The following KANSL3 variants were observed in gnomAD, a reference collection of about 807,000 sequenced individuals.
KANSL3 encodes the protein NSL complex protein NSL3.
In KANSL3, 16 loss-of-function variants were observed where a neutral mutation model predicts 89.2. That is an observed-to-expected ratio of 0.18 (90% CI 0.12 to 0.27). KANSL3 has a LOEUF of 0.27. Among genes scored for constraint, KANSL3 ranks in the 10% least tolerant of loss-of-function variants. KANSL3 has a pLI of 1.00. For missense variants in KANSL3, 879 were observed against 1,110.6 expected (o/e 0.79, Z 2.96); for synonymous variants, 385 against 419.7 (o/e 0.92, Z 1.01).
chr2:96,601,708 G>A lies in KANSL3; in HGVS notation c.2551C>T (p.Pro851Ser). 1 of 1,612,464 alleles carries A rather than the reference G, an allele frequency of 6.2e-7. No individual in the cohort carries two copies. Among genetic ancestry groups the A allele is most frequent in the Middle Eastern group, 1.7e-4 (1 of 6,056 alleles). ...GQPSRITTLS[P>S]MGSGAAPSEE... ...GATGGGGCTGCTCCTGAGCCCATAGGGCTCAGTGTAGTGATCCTGCTCGGC... is the reference window on the plus strand; with the variant it reads ...GATGGGGCTGCTCCTGAGCCCATAGAGCTCAGTGTAGTGATCCTGCTCGGC... Residue 851 changes from proline (P) to serine (S), a missense_variant, in exon 20 of 21, where the codon CCT becomes TCT. Transcript: ENST00000431828.
intron 2 of KANSL3, among the ~76,000 whole-genome samples, chr2:96,633,824 C>A (rs1024718201): frequency 2.0e-5 from 3 of 152,094 alleles, no homozygotes; most frequent in Non-Finnish European, 4.4e-5. Flanking sequence ...AAGATTGCAC[C>A]ACTGCACTCC....
At chr2:96,616,528 GAT>G in intron 5 of KANSL3, among the ~76,000 whole-genome samples, 1 of 152,330 alleles carries the variant, frequency 6.6e-6, no homozygotes, top group East Asian at 1.9e-4. Flanking sequence ...TGAAGAGCAT[GAT>G]CCCATCCACC....
chr2:96,633,789 C>T (rs913740153), intron 2 of KANSL3, among the ~76,000 whole-genome samples: 2 of 151,898 alleles, frequency 1.3e-5, no homozygotes, highest in African/African-American at 4.8e-5. Flanking sequence ...TGCTTGAATC[C>T]GGGAGGCGGA....
chr2:96,636,724 C>T (rs769395860), intron 2 of KANSL3, 197 bp downstream of exon 2: 43 of 459,388 alleles, frequency 9.4e-5, no homozygotes, highest in Middle Eastern at 5.6e-4. Flanking sequence ...GTCTTGCTTT[C>T]CTAACTCTTG....
chr2:96,609,666 G>T, intron 11 of KANSL3, 104 bp from the exon 12 acceptor site: 1 of 1,093,898 alleles, frequency 9.1e-7, no homozygotes, highest in Non-Finnish European at 1.4e-6. Context: ...TCTAGCCCCA[G>T]AAGGAGGGCC....
At position 96,637,173 on chromosome 2, in the gene KANSL3, G is replaced by A; in HGVS notation, c.-38C>T. ...GCAGAAAGTCAGAGCATGGGTATCTGCATGCTAGTCACCTGCAGTGAAAAG... is the reference window on the plus strand; with the variant it reads ...GCAGAAAGTCAGAGCATGGGTATCTACATGCTAGTCACCTGCAGTGAAAAG... On this transcript the variant is annotated 5_prime_UTR_variant, in exon 2 of 21. The change creates a premature stop within an existing upstream ORF in the 5' untranslated region. Transcript: ENST00000431828. 3.0e-6 allele frequency: 4 copies of A among 1,331,450 alleles called. No homozygotes were observed. Among genetic ancestry groups the A allele is most frequent in the Non-Finnish European group, 4.2e-6 (4 of 952,876 alleles). 82.5% of individuals were successfully genotyped at this position (1,331,450 alleles called of 1,614,324 possible). A position where few individuals can be genotyped will look rare whatever the true frequency, so the allele number is the denominator to read the frequency against.
At chr2:96,581,544 C>G in the KANSL3 span, among the ~76,000 whole-genome samples, 1 of 152,080 alleles carries the variant, frequency 6.6e-6, no homozygotes, top group Non-Finnish European at 1.5e-5. Flanking sequence ...TATATTTCCA[C>G]GAGTGCTTCA....
chr2:96,588,667 T>C (rs2066256592), downstream of KANSL3, among the ~76,000 whole-genome samples: 1 of 152,146 alleles, frequency 6.6e-6, no homozygotes, highest in Admixed American at 6.5e-5. Flanking sequence ...CTCGGCTCAC[T>C]GCAACCTCCG....
chr2:96,629,273 G>T (rs1342797593), intron 3 of KANSL3, among the ~76,000 whole-genome samples: 1 of 152,124 alleles, frequency 6.6e-6, no homozygotes. Context: ...TATTCCAGTA[G>T]TTGATCTTCA....
chr2:96,591,967 C>G (rs902911158), downstream of KANSL3, among the ~76,000 whole-genome samples: 10 of 152,134 alleles, frequency 6.6e-5, no homozygotes, highest in Non-Finnish European at 1.5e-5. Context: ...AGCCATCAAC[C>G]CTGACCAAAA....
At position 96,604,240 on chromosome 2, in the gene KANSL3, CA is replaced by C; in HGVS notation, c.2149+9del. The C allele has an allele frequency of 1.9e-6, 3 of 1,593,404 alleles. No homozygotes were observed. The highest frequency in any genetic ancestry group is 2.6e-6 in the Non-Finnish European group (3 of 1,171,786). On this transcript the variant is annotated intron_variant, in intron 17 of 20. Coordinates refer to ENST00000431828, the MANE Select transcript of KANSL3 (RefSeq NM_001115016.3). ...GTGTTGGAAGGGGAGAATGCTGGGC[CA>C]CAAGATACCTGGGAGGGAGCTGCCA... is the stretch of plus-strand genomic sequence containing the variant.
Position 96,594,721 on chromosome 2 carries a change from C to T in KANSL3, c.*890G>A, listed in dbSNP as rs1265540240. ...TTCTTCTTTTTATCTCCAGCTGAAC[C>T]ACCAGTTCCTTGGGTAGCAGAGCAG... On this transcript the variant is annotated 3_prime_UTR_variant, in exon 21 of 21. Coordinates refer to ENST00000431828, the MANE Select transcript of KANSL3 (RefSeq NM_001115016.3). 6.6e-6 allele frequency: 1 copy of T among 152,312 alleles called. No individual in the cohort carries two copies. The highest frequency in any genetic ancestry group is 6.5e-5 in the Admixed American group (1 of 15,292). 9.4% of individuals were successfully genotyped at this position (152,312 alleles called of 1,614,324 possible).
At chr2:96,595,738 A>G in intron 20 of KANSL3, 107 bp from the exon 21 acceptor site, 1 of 1,271,006 alleles carries the variant, frequency 7.9e-7, no homozygotes, top group African/African-American at 1.5e-5. Flanking sequence ...ATTTTAAAGA[A>G]TTAATTCTCA....
chr2:96,605,235 G>T, intron 15 of KANSL3, 85 bp downstream of exon 15: 2 of 1,204,490 alleles, frequency 1.7e-6, no homozygotes, highest in Non-Finnish European at 2.3e-6. Flanking sequence ...AGCAAAGGCT[G>T]ACATGCTGGT....
the KANSL3 span, among the ~76,000 whole-genome samples, chr2:96,584,449 ATTTC>A: frequency 6.6e-6 from 1 of 152,152 alleles, no homozygotes; most frequent in African/African-American, 2.4e-5. Context: ...AACATTTCTC[ATTTC>A]TTTATCCTGG....
In KANSL3 at chr2:96,602,803, T is replaced by C. The variant is rs1156598008; in HGVS notation, c.2209A>G (p.Ser737Gly). The change falls in exon 18 of 21, where the codon AGC becomes GGC. Residue 737 changes from serine to glycine, a missense_variant. Physicochemically the swap from Ser to Gly is moderately conservative, Grantham distance 56. This residue lies in a region of KANSL3 where 89 missense variants were observed against 139.7 expected (regional missense o/e 0.64). Transcript: ENST00000431828. ...GLSFSLQDIS[S>G]KTSGLPANPS... ...TTTGCTGGAAGGCCAGAGGTCTTGC[T>C]GCTGATATCCTGCAAGCTGAAGCTG... 6.2e-7 allele frequency: 1 copy of C among 1,612,612 alleles called. No homozygotes were observed. Among genetic ancestry groups the C allele is most frequent in the South Asian group, 1.1e-5 (1 of 90,932 alleles).
rs1395227707 is a variant in KANSL3, at chr2:96,627,961, G to A, written c.386+3351C>T. On this transcript the variant is annotated intron_variant, in intron 3 of 20. Coordinates refer to ENST00000431828, the MANE Select transcript of KANSL3 (RefSeq NM_001115016.3). ...TGTAAGCCTGCTGCCAATGAGAGAA[G>A]GCCTCCAAAATCTCATCAGACACTA... is the stretch of plus-strand genomic sequence containing the variant. 3 of 1,289,832 alleles carry A rather than the reference G, an allele frequency of 2.3e-6. No individual in the cohort carries two copies. The Admixed American group carries it at 6.9e-5, about 30-fold the overall frequency. The allele number at this position is 1,289,832 out of a possible 1,614,324, so 79.9% of individuals were successfully genotyped here.
At chr2:96,620,608 A>C (rs540257542) in intron 3 of KANSL3, among the ~76,000 whole-genome samples, 16 of 152,268 alleles carry the variant, frequency 1.1e-4, no homozygotes, top group African/African-American at 3.9e-4. Flanking sequence ...AATTACTCAG[A>C]TGCTCTAACT....
In KANSL3 at chr2:96,612,903, A is replaced by C; in HGVS notation, c.827T>G (p.Ile276Ser). ...AGAGCTGGAGGGACCAGAGGAGGCG[A>C]TGAGAATCAGCGGAGAGCCAGGGAG... ...SKLPGSPLIL[I>S]ASSGPSSSVF... The change falls in exon 7 of 21, where the codon ATC (isoleucine) becomes AGC (serine). Residue 276 changes from isoleucine (I) to serine (S), a missense_variant. Transcript: ENST00000431828. The C allele has an allele frequency of 6.4e-7, 1 of 1,568,044 alleles. No individual in the cohort carries two copies. Among genetic ancestry groups the C allele is most frequent in the Non-Finnish European group, 8.6e-7 (1 of 1,156,478 alleles).
Sources: allele counts gnomAD v4.1 joint callset (sites outside exome capture counted in the v4.1 genomes callset), GRCh38; gene constraint gnomAD v4.1.1; regional missense constraint gnomAD v4.1.1; transcripts MANE v1.5; gene names NCBI Gene and HGNC (gene_info 2026-07-23, HGNC 2026-07-21).